OPCML: variants seen among roughly 807,000 people sequenced by gnomAD.
OPCML encodes the protein opioid-binding protein/cell adhesion molecule.
A neutral mutation model predicts 37.8 loss-of-function variants in OPCML; 13 were observed. The observed-to-expected ratio is 0.34, with a 90% CI of 0.22 to 0.55. The LOEUF is 0.55. OPCML is among the 20% of genes least tolerant of loss of function. The pLI is 0.91. For missense variants in OPCML, 341 were observed against 435.6 expected, an observed-to-expected ratio of 0.78 and a Z score of 1.93; for synonymous variants, 176 against 168.8, an observed-to-expected ratio of 1.04 and a Z score of -0.33.
rs137912320 is a variant in OPCML at position 133,511,237 on chromosome 11, A to G, written c.61+21027T>C. Among the ~76,000 whole-genome samples, 256 of 152,236 alleles carry G rather than the reference A, an allele frequency of 1.7e-3. 1 individual carries two copies. The highest frequency in any genetic ancestry group is 5.6e-3 in the African/African-American group (231 of 41,558). On this transcript the variant is annotated intron_variant, in intron 1 of 7. Transcript: ENST00000524381. ...CTTCATCTGCTTGGACTGGGGCAGT[A>G]TCTTCCTAACTGGTCTCTGCCTCTA...
chr11:132,674,869 A>C (rs142536715), intron 2 of OPCML, among the ~76,000 whole-genome samples: 1 of 152,316 alleles, frequency 6.6e-6, no homozygotes, highest in Non-Finnish European at 1.5e-5. Context: ...AAATAAATCC[A>C]GTGCTGCTTC....
chr11:132,574,994 C>T (rs2096447028), intron 3 of OPCML, among the ~76,000 whole-genome samples: 1 of 151,918 alleles, frequency 6.6e-6, no homozygotes, highest in African/African-American at 2.4e-5. Context: ...TTCCTCTAAT[C>T]ATTATGCAAG....
intron 1 of OPCML, among the ~76,000 whole-genome samples, chr11:133,518,733 C>CT (rs1948340990): frequency 3.5e-5 from 4 of 112,968 alleles, no homozygotes; most frequent in African/African-American, 1.5e-4. Flanking sequence ...GGGGCTGTGG[C>CT]GTGGACAGTG....
intron 1 of OPCML, among the ~76,000 whole-genome samples, chr11:133,136,018 A>T (rs1949684022): frequency 6.6e-6 from 1 of 152,214 alleles, no homozygotes; most frequent in Non-Finnish European, 1.5e-5. Context: ...ACTCATTCTG[A>T]TAGTTCGTTC....
intron 1 of OPCML, among the ~76,000 whole-genome samples, chr11:133,357,642 A>G (rs1357828295): frequency 1.3e-5 from 2 of 152,180 alleles, no homozygotes; most frequent in Non-Finnish European, 2.9e-5. Context: ...TCTTCAAAAA[A>G]TAATAAAAAT....
chr11:133,504,785 C>T (rs1016321547), intron 1 of OPCML, among the ~76,000 whole-genome samples: 2 of 152,220 alleles, frequency 1.3e-5, no homozygotes, highest in Admixed American at 6.5e-5. Flanking sequence ...ACCAAATTGC[C>T]TGATCGCTTT....
chr11:132,932,033 G>A (rs938369114), intron 2 of OPCML, among the ~76,000 whole-genome samples: 3 of 152,156 alleles, frequency 2.0e-5, no homozygotes, highest in African/African-American at 7.2e-5. Context: ...AAGGATGAAT[G>A]CTATAAAATA....
At chr11:132,856,746 C>T (rs889419929) in intron 2 of OPCML, among the ~76,000 whole-genome samples, 12 of 152,128 alleles carry the variant, frequency 7.9e-5, no homozygotes, top group Admixed American at 2.6e-4. Context: ...GTGGCCCCTC[C>T]GAAGTGCTGG....
chr11:133,467,647 G>T (rs914035500), intron 1 of OPCML, among the ~76,000 whole-genome samples: 12 of 152,054 alleles, frequency 7.9e-5, no homozygotes, highest in African/African-American at 2.7e-4. Flanking sequence ...CTCATCAAGT[G>T]GTACCATTCT....
chr11:133,152,079 C>A (rs1019282663), intron 1 of OPCML, among the ~76,000 whole-genome samples: 4 of 152,080 alleles, frequency 2.6e-5, no homozygotes, highest in African/African-American at 9.7e-5. Flanking sequence ...CCCTTTTATC[C>A]CCCATGTATT....
Position 132,420,009 on chromosome 11 carries a change from C to A in OPCML, c.*184G>T. The A allele has an allele frequency of 2.3e-6, 1 of 432,770 alleles. No individual in the cohort carries two copies. The allele number at this position is 432,770 out of a possible 1,614,324, so 26.8% of individuals were successfully genotyped here. A position where few individuals can be genotyped will look rare whatever the true frequency, so the allele number is the denominator to read the frequency against. ...TGGTAGAACCCTGCCCACCCCGCCC[C>A]CAACCCCACTCATTCAAGCTGGAAA... On this transcript the variant is annotated 3_prime_UTR_variant, in exon 8 of 8. Transcript: ENST00000524381.
At chr11:133,041,977 C>G (rs887973999) in intron 1 of OPCML, among the ~76,000 whole-genome samples, 6 of 152,134 alleles carry the variant, frequency 3.9e-5, no homozygotes, top group Non-Finnish European at 8.8e-5. Context: ...ATATCCAGTC[C>G]TGTTGGCAAA....
chr11:132,835,546 A>G (rs1395118302), intron 2 of OPCML, among the ~76,000 whole-genome samples: 1 of 152,192 alleles, frequency 6.6e-6, no homozygotes, highest in Non-Finnish European at 1.5e-5. Context: ...TCTAGATGCC[A>G]AGCAGCATTT....
chr11:132,541,516 A>ATT (rs59821039), intron 3 of OPCML, among the ~76,000 whole-genome samples: 2 of 143,498 alleles, frequency 1.4e-5, no homozygotes, highest in South Asian at 2.2e-4. Flanking sequence ...CTATATCCAG[A>ATT]TTTTTTTTTT....
At chr11:132,480,262 G>T (rs573488163) in intron 4 of OPCML, among the ~76,000 whole-genome samples, 1 of 152,294 alleles carries the variant, frequency 6.6e-6, no homozygotes, top group African/African-American at 2.4e-5. Context: ...TGGTAGAAAG[G>T]ATATCAGTGA....
chr11:132,883,607 C>T lies in OPCML; in HGVS notation c.146+59319G>A, dbSNP rs188944654. 1.9e-3 allele frequency among the ~76,000 whole-genome samples: 283 copies of T among 152,112 alleles called. 1 individual carries two copies. The highest frequency in any genetic ancestry group is 3.1e-3 in the Non-Finnish European group (213 of 68,010). ...GGATGACATACAGGAATACTGTTAG[C>T]GTTTTGAGACTGGGTAAATAGGAGA... On this transcript the variant is annotated intron_variant, in intron 2 of 7. Transcript: ENST00000524381.
intron 2 of OPCML, among the ~76,000 whole-genome samples, chr11:132,937,595 GGTGTGTGTGTGT>G (rs58674976): frequency 0.039 from 3,459 of 88,774 alleles, 153 homozygotes; most frequent in African/African-American, 0.12. Context: ...GCGTGTGTGG[GGTGTGTGTGTGT>G]GTGTGTGTGT....
intron 3 of OPCML, among the ~76,000 whole-genome samples, chr11:132,649,882 C>T (rs562037351): frequency 7.9e-5 from 12 of 152,112 alleles, no homozygotes; most frequent in South Asian, 6.2e-4. Context: ...AGAGGTACCA[C>T]GTACACACTC....
rs530119275 is a variant in OPCML, at chr11:133,474,954, GC to G, written c.61+57309del. Among the ~76,000 whole-genome samples, 6 of 152,134 alleles carry G rather than the reference GC, an allele frequency of 3.9e-5. No individual in the cohort carries two copies. The South Asian group carries it at 8.3e-4, about 21-fold the overall frequency. On this transcript the variant is annotated intron_variant, in intron 1 of 7. Transcript: ENST00000524381. ...CACACATATGGGAGGGAATGCTCCT[GC>G]CAAGGAAGCACATCCTGCCAAGCAG...
Sources: allele counts gnomAD v4.1 joint callset (sites outside exome capture counted in the v4.1 genomes callset), GRCh38; gene constraint gnomAD v4.1.1; transcripts MANE v1.5; gene names NCBI Gene and HGNC (gene_info 2026-07-23, HGNC 2026-07-21).